The following DYNC1I1 variants were observed in gnomAD, a reference collection of about 807,000 sequenced individuals.
The protein encoded by DYNC1I1 is dynein cytoplasmic 1 intermediate chain 1, also known as cytoplasmic dynein 1 intermediate chain 1.
In DYNC1I1, 43 loss-of-function variants were observed where a neutral mutation model predicts 86.6. The ratio of observed to expected loss-of-function variants is 0.50; its 90% CI spans 0.39 to 0.64. The LOEUF is 0.64. DYNC1I1 is among the 30% of genes least tolerant of loss of function. The pLI is 0.00. For synonymous variants in DYNC1I1, 262 were observed against 283.7 expected (o/e 0.92, Z 0.77); for missense variants, 604 against 788.8 (o/e 0.77, Z 2.81).
Position 95,941,115 on chromosome 7 carries a change from T to C in DYNC1I1, c.491-36397T>C, listed in dbSNP as rs555354975. Among the ~76,000 whole-genome samples, 1,436 of 152,206 alleles carry C rather than the reference T, an allele frequency of 9.4e-3. 18 individuals carry two copies. The highest frequency in any genetic ancestry group is 0.033 in the African/African-American group (1,370 of 41,530). ...GCAGCGGTGGCTGCAGAACAGTGGG[T>C]TTTCGTGAACCGCCTATGCTGCTGT... On this transcript the variant is annotated intron_variant, in intron 6 of 16. Coordinates refer to ENST00000447467, the MANE Select transcript of DYNC1I1 (RefSeq NM_001135556.2).
chr7:96,084,619 C>T (rs184907277), intron 16 of DYNC1I1, among the ~76,000 whole-genome samples: 4 of 152,038 alleles, frequency 2.6e-5, no homozygotes, highest in Admixed American at 6.5e-5. Context: ...GACAGGATTT[C>T]GCCATGTTGG....
intron 16 of DYNC1I1, among the ~76,000 whole-genome samples, chr7:96,104,032 C>T (rs1389068260): frequency 5.3e-5 from 8 of 152,158 alleles, no homozygotes; most frequent in Non-Finnish European, 1.0e-4. Flanking sequence ...TGCATATACT[C>T]GCTGACTAAT....
At chr7:96,054,815 TG>T (rs1789521362) in intron 14 of DYNC1I1, among the ~76,000 whole-genome samples, 1 of 152,224 alleles carries the variant, frequency 6.6e-6, no homozygotes, top group Non-Finnish European at 1.5e-5. Flanking sequence ...TTGATGGGGT[TG>T]TTTTTTTCTT....
chr7:95,844,703 G>A (rs1789380467), intron 5 of DYNC1I1, among the ~76,000 whole-genome samples: 1 of 152,080 alleles, frequency 6.6e-6, no homozygotes, highest in African/African-American at 2.4e-5. Flanking sequence ...GGGGCCCCAG[G>A]ACGGACTGGT....
chr7:96,109,217 TTTA>T (rs1420052325), intron 16 of DYNC1I1, among the ~76,000 whole-genome samples: 1 of 151,926 alleles, frequency 6.6e-6, no homozygotes, highest in Admixed American at 6.6e-5. Flanking sequence ...TTTTTTTAAT[TTTA>T]TTATTATTAT....
chr7:96,014,584 A>G (rs951961537), intron 10 of DYNC1I1, among the ~76,000 whole-genome samples: 1 of 152,210 alleles, frequency 6.6e-6, no homozygotes, highest in Non-Finnish European at 1.5e-5. Context: ...AGAGACAGCC[A>G]ACAACTGTGG....
intron 14 of DYNC1I1, among the ~76,000 whole-genome samples, chr7:96,062,244 G>A (rs778359359): frequency 2.6e-5 from 4 of 152,148 alleles, no homozygotes; most frequent in African/African-American, 4.8e-5. Context: ...TCATGTTAAG[G>A]ATTTATCATG....
intron 5 of DYNC1I1, among the ~76,000 whole-genome samples, chr7:95,856,961 A>G (rs1254409498): frequency 6.6e-6 from 1 of 152,168 alleles, no homozygotes; most frequent in African/African-American, 2.4e-5. Context: ...CCTGGGCGAC[A>G]GAGTGAGAAT....
At chr7:95,816,069 G>T (rs1794940164) in intron 4 of DYNC1I1, among the ~76,000 whole-genome samples, 1 of 151,218 alleles carries the variant, frequency 6.6e-6, no homozygotes, top group Non-Finnish European at 1.5e-5. Flanking sequence ...CCAGGCTGGA[G>T]TACAGTGGTG....
chr7:96,029,500 G>A (rs539985697), intron 11 of DYNC1I1, among the ~76,000 whole-genome samples: 1 of 152,190 alleles, frequency 6.6e-6, no homozygotes, highest in Admixed American at 6.5e-5. Context: ...GTAAGCTTTT[G>A]GGGAAAATTC....
intron 13 of DYNC1I1, among the ~76,000 whole-genome samples, chr7:96,038,372 T>A (rs182573762): frequency 1.8e-3 from 267 of 152,316 alleles, no homozygotes; most frequent in African/African-American, 5.6e-3. Context: ...TTTTCTCACA[T>A]CTTCCTAATT....
At chr7:95,835,624 A>T in intron 5 of DYNC1I1, among the ~76,000 whole-genome samples, 1 of 151,914 alleles carries the variant, frequency 6.6e-6, no homozygotes, top group Non-Finnish European at 1.5e-5. Context: ...TTTGTAGGTC[A>T]CTCAGGACTT....
intron 3 of DYNC1I1, among the ~76,000 whole-genome samples, chr7:95,811,997 A>C (rs929380086): frequency 2.0e-5 from 3 of 152,180 alleles, no homozygotes; most frequent in Non-Finnish European, 4.4e-5. Context: ...CAACTTTTGA[A>C]GTATCCTTGC....
intron 16 of DYNC1I1, among the ~76,000 whole-genome samples, chr7:96,087,089 AG>A (rs200117701): frequency 2.1e-5 from 1 of 46,682 alleles, no homozygotes; most frequent in South Asian, 4.3e-4. Context: ...ATGATTTTTA[AG>A]GGGAATCACA....
chr7:95,988,611 G>A (rs762409972), intron 9 of DYNC1I1, among the ~76,000 whole-genome samples: 2 of 152,172 alleles, frequency 1.3e-5, no homozygotes, highest in Non-Finnish European at 2.9e-5. Context: ...TGATGCCTGA[G>A]CCCACATTCT....
intron 6 of DYNC1I1, among the ~76,000 whole-genome samples, chr7:95,938,262 C>G (rs567639971): frequency 2.0e-5 from 3 of 152,254 alleles, no homozygotes; most frequent in African/African-American, 7.2e-5. Flanking sequence ...ATTTAGCAGG[C>G]TAATCTGATA....
intron 6 of DYNC1I1, among the ~76,000 whole-genome samples, chr7:95,947,544 G>A (rs1333397732): frequency 6.6e-6 from 1 of 152,132 alleles, no homozygotes; most frequent in African/African-American, 2.4e-5. Flanking sequence ...GAAGGTTTTT[G>A]GGTGGGAGAT....
At chr7:96,061,634 G>T (rs1190427732) in intron 14 of DYNC1I1, among the ~76,000 whole-genome samples, 1 of 151,218 alleles carries the variant, frequency 6.6e-6, no homozygotes, top group African/African-American at 2.4e-5. Flanking sequence ...CAGAGTGCTT[G>T]ATTTGGTATG....
At chr7:95,973,417 T>G (rs1342329556) in intron 6 of DYNC1I1, among the ~76,000 whole-genome samples, 4 of 152,202 alleles carry the variant, frequency 2.6e-5, no homozygotes, top group Admixed American at 2.6e-4. Flanking sequence ...TACCTACAAC[T>G]GGTTTGTAGA....
Sources: gnomAD v4.1 joint callset for allele counts (sites outside exome capture counted in the v4.1 genomes callset) on GRCh38, gnomAD v4.1.1 for gene constraint, MANE v1.5 for transcripts, NCBI Gene and HGNC (gene_info 2026-07-23, HGNC 2026-07-21) for gene names.